ROR2: variants seen among roughly 807,000 people sequenced by gnomAD.
ROR2 encodes tyrosine-protein kinase transmembrane receptor ROR2.
ROR2 carries 33 observed loss-of-function variants against 74.9 expected under a neutral mutation model. The ratio of observed to expected loss-of-function variants is 0.44; its 90% CI spans 0.33 to 0.59. The LOEUF (loss-of-function observed/expected upper bound fraction) is 0.59. Ranked by LOEUF, ROR2 falls within the 20% of genes least tolerant of loss-of-function variation. The pLI is 0.02. For missense variants in ROR2, 1,216 were observed against 1,313.8 expected, an observed-to-expected ratio of 0.93 and a Z score of 1.15; for synonymous variants, 586 against 558.7, an observed-to-expected ratio of 1.05 and a Z score of -0.69.
Position 91,950,037 on chromosome 9 carries a change from T to C in ROR2, c.-74A>G. 1 of 658,298 alleles carries C rather than the reference T, an allele frequency of 1.5e-6. No homozygotes were observed. The allele number at this position is 658,298 out of a possible 1,614,324, so 40.8% of individuals were successfully genotyped here. On this transcript the variant is annotated 5_prime_UTR_variant, in exon 1 of 9. Transcript: ENST00000375708. The stretch of plus-strand genomic sequence containing the variant: ...GCGGGGTCGGGCGCCACCACCCCTT[T>C]CTACGATGCGTCCGCTCCTCCTTCT...
intron 1 of ROR2, among the ~76,000 whole-genome samples, chr9:91,881,502 C>T (rs1200617014): frequency 1.3e-5 from 2 of 152,162 alleles, no homozygotes; most frequent in Non-Finnish European, 2.9e-5. Flanking sequence ...TCATTTCACT[C>T]GAAGTCGCAG....
chr9:91,903,815 G>C (rs1054765725), intron 1 of ROR2, among the ~76,000 whole-genome samples: 2 of 152,184 alleles, frequency 1.3e-5, no homozygotes, highest in African/African-American at 4.8e-5. Flanking sequence ...CGTGGAGAGA[G>C]TCCACGGCAA....
chr9:91,927,289 C>T (rs1322540572), intron 1 of ROR2, among the ~76,000 whole-genome samples: 2 of 152,232 alleles, frequency 1.3e-5, no homozygotes, highest in Non-Finnish European at 2.9e-5. Context: ...CCGCCCTCAG[C>T]GGCTTTTGGA....
chr9:91,857,673 T>G (rs1829339101), intron 1 of ROR2, among the ~76,000 whole-genome samples: 1 of 152,120 alleles, frequency 6.6e-6, no homozygotes, highest in Non-Finnish European at 1.5e-5. Context: ...CCCTGTCTTC[T>G]GGGCCGGCAG....
intron 1 of ROR2, among the ~76,000 whole-genome samples, chr9:91,825,633 A>T (rs1206566046): frequency 6.6e-6 from 1 of 152,140 alleles, no homozygotes; most frequent in Non-Finnish European, 1.5e-5. Context: ...CACACATCCA[A>T]TGTTGTATTT....
At chr9:91,777,999 G>T (rs1003531530) in intron 1 of ROR2, among the ~76,000 whole-genome samples, 1 of 152,198 alleles carries the variant, frequency 6.6e-6, no homozygotes, top group Non-Finnish European at 1.5e-5. Context: ...AAACATACAT[G>T]AGGCCGCAGA....
At chr9:91,865,037 A>G (rs1829586941) in intron 1 of ROR2, among the ~76,000 whole-genome samples, 1 of 152,246 alleles carries the variant, frequency 6.6e-6, no homozygotes, top group Admixed American at 6.5e-5. Flanking sequence ...CCTCAACAGC[A>G]AAGTCTTCAA....
At chr9:91,918,525 G>A (rs1424591797) in intron 1 of ROR2, among the ~76,000 whole-genome samples, 1 of 152,184 alleles carries the variant, frequency 6.6e-6, no homozygotes, top group Non-Finnish European at 1.5e-5. Flanking sequence ...TTTGAACATA[G>A]GAAACTGCCA....
At chr9:91,778,843 T>C (rs1050353408) in intron 1 of ROR2, among the ~76,000 whole-genome samples, 3 of 152,146 alleles carry the variant, frequency 2.0e-5, no homozygotes, top group African/African-American at 7.2e-5. Context: ...ACTCAACCCT[T>C]GGGTAGATGA....
intron 1 of ROR2, among the ~76,000 whole-genome samples, chr9:91,881,772 G>A (rs767807656): frequency 3.3e-5 from 5 of 152,152 alleles, no homozygotes; most frequent in South Asian, 2.1e-4. Context: ...ATTATCACAC[G>A]GAGAGAGGGT....
chr9:91,724,046 C>A lies in ROR2; in HGVS notation c.2448G>T (p.Gln816His). The change falls in exon 9 of 9, where the codon CAG (glutamine) becomes CAT (histidine). Residue 816 changes from glutamine to histidine, a missense_variant. Coordinates refer to ENST00000375708, the MANE Select transcript of ROR2 (RefSeq NM_004560.4). ...GQIRPMVPPPQLYVPVNGYQP... is the reference protein window; with the variant it reads ...GQIRPMVPPPHLYVPVNGYQP... ...GGTAGCCGTTGACGGGGACGTAGAG[C>A]TGCGGCGGGGGCACCATGGGTCTGA... 6.2e-7 allele frequency: 1 copy of A among 1,611,588 alleles called. No homozygotes were observed.
At chr9:91,926,418 T>C (rs1165325981) in intron 1 of ROR2, among the ~76,000 whole-genome samples, 2 of 149,844 alleles carry the variant, frequency 1.3e-5, no homozygotes, top group Non-Finnish European at 3.0e-5. Flanking sequence ...TGGTGGCACA[T>C]GCCTATAACG....
chr9:91,886,016 C>G (rs1288881985), intron 1 of ROR2, among the ~76,000 whole-genome samples: 3 of 151,762 alleles, frequency 2.0e-5, no homozygotes. Flanking sequence ...GCTGGGATTA[C>G]AGGTGTGCAC....
At chr9:91,850,488 C>T (rs1829055991) in intron 1 of ROR2, among the ~76,000 whole-genome samples, 2 of 152,092 alleles carry the variant, frequency 1.3e-5, no homozygotes, top group Admixed American at 1.3e-4. Flanking sequence ...GACGCTGAAG[C>T]AAAGGGAAGG....
At chr9:91,883,408 T>C (rs778936102) in intron 1 of ROR2, 1 of 152,184 alleles carries the variant, frequency 6.6e-6, no homozygotes, top group Non-Finnish European at 1.5e-5. Flanking sequence ...TGATATAAAA[T>C]TATTAAGGTG....
intron 1 of ROR2, among the ~76,000 whole-genome samples, chr9:91,921,447 C>G (rs993329717): frequency 7.9e-5 from 12 of 152,216 alleles, no homozygotes; most frequent in Non-Finnish European, 1.6e-4. Flanking sequence ...AATCCCAAAC[C>G]ACACTGGCAA....
At chr9:91,840,271 G>A (rs1358136626) in intron 1 of ROR2, among the ~76,000 whole-genome samples, 1 of 152,118 alleles carries the variant, frequency 6.6e-6, no homozygotes, top group African/African-American at 2.4e-5. Flanking sequence ...CCGGGATAAC[G>A]TTACCCGTTT....
At chr9:91,743,812 G>C (rs1825321326) in intron 4 of ROR2, among the ~76,000 whole-genome samples, 1 of 152,116 alleles carries the variant, frequency 6.6e-6, no homozygotes, top group Non-Finnish European at 1.5e-5. Flanking sequence ...AAATACCTGG[G>C]AATAAACCTA....
At chr9:91,824,102 GA>G (rs1427474835) in intron 1 of ROR2, among the ~76,000 whole-genome samples, 3 of 152,218 alleles carry the variant, frequency 2.0e-5, no homozygotes, top group Admixed American at 6.5e-5. Context: ...GCCGACGATA[GA>G]ATCTGCCAGA....
Sources: gnomAD v4.1 joint callset for allele counts (sites outside exome capture counted in the v4.1 genomes callset) on GRCh38, gnomAD v4.1.1 for gene constraint, MANE v1.5 for transcripts, NCBI Gene and HGNC (gene_info 2026-07-23, HGNC 2026-07-21) for gene names.